Variants in CENPH observed in about 807,000 individuals in gnomAD.
The protein encoded by CENPH is CENP-H.
A neutral mutation model predicts 42.9 loss-of-function variants in CENPH; 40 were observed. That is an observed-to-expected ratio of 0.93 (90% CI 0.72 to 1.21). The LOEUF is 1.21. CENPH is among the 50% of genes most tolerant of loss of function. CENPH has a pLI of 0.00. For missense variants in CENPH, 302 were observed against 292.9 expected, an observed-to-expected ratio of 1.03 and a Z score of -0.23; for synonymous variants, 88 against 96.5, an observed-to-expected ratio of 0.91 and a Z score of 0.52.
intron 5 of CENPH, among the ~76,000 whole-genome samples, chr5:69,200,071 C>CCACTA (rs1416892291): frequency 6.7e-6 from 1 of 149,306 alleles, no homozygotes; most frequent in East Asian, 2.0e-4. Flanking sequence ...TGAGATTGTG[C>CCACTA]CACTACACTC....
chr5:69,194,743 T>C (rs762023322), intron 3 of CENPH, 48 bp downstream of exon 3: 1 of 1,176,422 alleles, frequency 8.5e-7, no homozygotes, highest in Non-Finnish European at 1.2e-6. Flanking sequence ...TAAGATTTAA[T>C]CATATTTTCT....
intron 5 of CENPH, among the ~76,000 whole-genome samples, chr5:69,198,399 C>T (rs912715977): frequency 1.3e-5 from 2 of 151,948 alleles, no homozygotes; most frequent in African/African-American, 2.4e-5. Flanking sequence ...AAGCAATTCT[C>T]GTGCCTCAGC....
chr5:69,196,218 G>A (rs928168619), intron 4 of CENPH, among the ~76,000 whole-genome samples: 6 of 151,652 alleles, frequency 4.0e-5, no homozygotes, highest in Non-Finnish European at 8.8e-5. Flanking sequence ...GATTACACAA[G>A]CCCAGCCTGG....
chr5:69,192,130 T>G (rs1423555626), intron 2 of CENPH, among the ~76,000 whole-genome samples: 1 of 152,158 alleles, frequency 6.6e-6, no homozygotes, highest in Non-Finnish European at 1.5e-5. Context: ...GTTTGATGAT[T>G]AACAGTACTC....
intron 1 of CENPH, among the ~76,000 whole-genome samples, chr5:69,191,311 G>C (rs1747867230): frequency 6.6e-6 from 1 of 152,194 alleles, no homozygotes; most frequent in South Asian, 2.1e-4. Flanking sequence ...AGGAGATCAA[G>C]ACCATCCTGG....
intron 1 of CENPH, among the ~76,000 whole-genome samples, chr5:69,190,390 GAACTCTATTAGAAATTCAAGTTT>G (rs1464520317): frequency 6.6e-6 from 1 of 152,094 alleles, no homozygotes; most frequent in Non-Finnish European, 1.5e-5. Context: ...CATAACACGT[GAACTCTATTAGAAATTCAAGTTT>G]CAGTTTCCAT....
Position 69,194,688 on chromosome 5 carries a change from A to G in CENPH, c.232A>G (p.Ile78Val), listed in dbSNP as rs1176738884. 7 of 1,577,088 alleles carry G rather than the reference A, an allele frequency of 4.4e-6. No homozygotes were observed. The highest frequency in any genetic ancestry group is 6.1e-6 in the Non-Finnish European group (7 of 1,156,186). The change falls in exon 3 of 9, where the codon ATC becomes GTC. Residue 78 changes from isoleucine (I) to valine (V), a missense_variant. By Grantham distance (29) the Ile-to-Val change is conservative. Coordinates refer to ENST00000283006, the MANE Select transcript of CENPH (RefSeq NM_022909.4). ...AGAACAAATTATGCAAGAAAAGCAA[A>G]TCGAAGCGTATGTTATATTTAAAAA... ...TPEQIMQEKQ[I>V]EAKIEDLENE...
intron 7 of CENPH, among the ~76,000 whole-genome samples, chr5:69,205,591 A>G (rs928335844): frequency 6.6e-6 from 1 of 151,346 alleles, no homozygotes; most frequent in African/African-American, 2.4e-5. Context: ...ATGGCTCACT[A>G]CAGCCTCAAC....
chr5:69,204,063 A>T (rs1368147402), intron 7 of CENPH, among the ~76,000 whole-genome samples: 1 of 99,214 alleles, frequency 1.0e-5, no homozygotes, highest in Non-Finnish European at 2.0e-5. Flanking sequence ...ATATATATAA[A>T]TATATATAAT....
intron 6 of CENPH, 146 bp from the exon 7 acceptor site, chr5:69,202,773 G>T: frequency 1.6e-6 from 1 of 635,270 alleles, no homozygotes; most frequent in Non-Finnish European, 2.7e-6. Flanking sequence ...TTAAGTTACT[G>T]TCTTCCTTTT....
At position 69,194,584 on chromosome 5, in the gene CENPH, A is replaced by G. The variant is rs1338951997; in HGVS notation, c.191-63A>G. ...GTCTTTTGCCCTTGTGGCTTACATT[A>G]TATTCCTTTTGGACAGCACCTCTCT... On this transcript the variant is annotated intron_variant, in intron 2 of 8. Transcript: ENST00000283006. 12 of 935,764 alleles carry G rather than the reference A, an allele frequency of 1.3e-5. No individual in the cohort carries two copies. The Admixed American group carries it at 1.4e-4, about 11-fold the overall frequency. 58.0% of individuals were successfully genotyped at this position (935,764 alleles called of 1,614,324 possible). A position where few individuals can be genotyped will look rare whatever the true frequency, so the allele number is the denominator to read the frequency against.
intron 5 of CENPH, among the ~76,000 whole-genome samples, chr5:69,197,842 A>C (rs941591163): frequency 1.5e-5 from 2 of 136,776 alleles, no homozygotes; most frequent in Non-Finnish European, 3.2e-5. Flanking sequence ...TATTATGAGC[A>C]AAAAAAAAAA....
In CENPH at chr5:69,209,951, G is replaced by T; in HGVS notation, c.*152G>T. ...CAGTTGTGGTTAGTTATTTGTAGTG[G>T]GATTGAAAGTAATTTTTTTCTTTTT... is the stretch of plus-strand genomic sequence containing the variant. On this transcript the variant is annotated 3_prime_UTR_variant, in exon 9 of 9. Coordinates refer to ENST00000283006, the MANE Select transcript of CENPH (RefSeq NM_022909.4). The T allele has an allele frequency of 4.7e-6, 2 of 423,690 alleles. No homozygotes were observed. Among genetic ancestry groups the T allele is most frequent in the South Asian group, 6.8e-5 (1 of 14,776 alleles). The allele number at this position is 423,690 out of a possible 1,614,324, so 26.2% of individuals were successfully genotyped here.
rs542148811 is a variant in CENPH at position 69,210,094 on chromosome 5, C to T, written c.*295C>T. On this transcript the variant is annotated 3_prime_UTR_variant, in exon 9 of 9. Coordinates refer to ENST00000283006, the MANE Select transcript of CENPH (RefSeq NM_022909.4). ...TCGGCTCACTGCAACCTCTGCCTCC[C>T]GGGTTCAAGCAGTTCTGCCTCAGCC... 38 of 188,588 alleles carry T rather than the reference C, an allele frequency of 2.0e-4. 1 individual carries two copies. The highest frequency in any genetic ancestry group is 3.5e-4 in the Non-Finnish European group (32 of 91,430). 11.7% of individuals were successfully genotyped at this position (188,588 alleles called of 1,614,324 possible). A position where few individuals can be genotyped will look rare whatever the true frequency, so the allele number is the denominator to read the frequency against.
intron 7 of CENPH, among the ~76,000 whole-genome samples, chr5:69,203,277 C>G (rs1187610760): frequency 1.3e-5 from 2 of 152,126 alleles, no homozygotes; most frequent in Non-Finnish European, 2.9e-5. Context: ...AGTGATTCTC[C>G]TGCATCAGCC....
At chr5:69,202,211 G>T (rs778398585) in intron 5 of CENPH, among the ~76,000 whole-genome samples, 3 of 152,172 alleles carry the variant, frequency 2.0e-5, no homozygotes, top group African/African-American at 4.8e-5. Flanking sequence ...AGTTATTAGG[G>T]TGTTTCCTCT....
In CENPH at chr5:69,206,812, A is replaced by G. The variant is rs1162280235; in HGVS notation, c.488-1384A>G. Among the ~76,000 whole-genome samples the G allele has an allele frequency of 2.0e-5, 3 of 152,262 alleles. 1 individual carries two copies. Among genetic ancestry groups the G allele is most frequent in the South Asian group, 4.1e-4 (2 of 4,824 alleles). On this transcript the variant is annotated intron_variant, in intron 7 of 8. Coordinates refer to ENST00000283006, the MANE Select transcript of CENPH (RefSeq NM_022909.4). ...CCCTGCTCAGATTTGTCATTTGTAAACATTATATAGATTTGCCTGTTAGCA... is the reference window on the plus strand; with the variant it reads ...CCCTGCTCAGATTTGTCATTTGTAAGCATTATATAGATTTGCCTGTTAGCA...
At chr5:69,196,086 G>T (rs189095269) in intron 4 of CENPH, among the ~76,000 whole-genome samples, 11 of 152,180 alleles carry the variant, frequency 7.2e-5, no homozygotes, top group Non-Finnish European at 1.5e-4. Flanking sequence ...CTACAGGCAT[G>T]CAAAACCACG....
At chr5:69,191,229 G>A (rs693725) in intron 1 of CENPH, among the ~76,000 whole-genome samples, 91,371 of 151,952 alleles carry the variant, frequency 0.6, 27,977 homozygotes, top group African/African-American at 0.72. Context: ...ATAATCTTAA[G>A]CGGCCGGGTG....
Sources: gnomAD v4.1 joint callset for allele counts (sites outside exome capture counted in the v4.1 genomes callset) on GRCh38, gnomAD v4.1.1 for gene constraint, MANE v1.5 for transcripts, NCBI Gene and HGNC (gene_info 2026-07-23, HGNC 2026-07-21) for gene names.